SNX29: variants seen among roughly 807,000 people sequenced by gnomAD.
SNX29 encodes the protein sorting nexin-29.
In SNX29, 78 loss-of-function variants were observed where a neutral mutation model predicts 102.1. The ratio of observed to expected loss-of-function variants is 0.76; its 90% CI spans 0.64 to 0.92. The LOEUF (loss-of-function observed/expected upper bound fraction) is 0.92. Ranked by LOEUF, SNX29 falls within the 40% of genes least tolerant of loss-of-function variation. The pLI is 0.00. For missense variants in SNX29, 1,280 were observed against 1,061.7 expected (o/e 1.21, Z -2.86); for synonymous variants, 580 against 414.5 (o/e 1.40, Z -4.85).
chr16:12,571,558 C>A lies in SNX29; in HGVS notation c.*2929C>A. 1 of 998,514 alleles carries A rather than the reference C, an allele frequency of 1.0e-6. No homozygotes were observed. The highest frequency in any genetic ancestry group is 4.9e-5 in the South Asian group (1 of 20,558). The allele number at this position is 998,514 out of a possible 1,614,324, so 61.9% of individuals were successfully genotyped here. A position where few individuals can be genotyped will look rare whatever the true frequency, so the allele number is the denominator to read the frequency against. The stretch of plus-strand genomic sequence containing the variant: ...CCTTTGCTGGGAGGAAGAATCCACA[C>A]CGAATCCTTCTGTCTTCATGGCCTG... On this transcript the variant is annotated 3_prime_UTR_variant, in exon 21 of 21. Transcript: ENST00000566228.
chr16:12,022,961 A>ATCT (rs2057074855), intron 3 of SNX29, among the ~76,000 whole-genome samples: 1 of 138,242 alleles, frequency 7.2e-6, no homozygotes, highest in Non-Finnish European at 1.5e-5. Flanking sequence ...CAGTGATGTG[A>ATCT]TCTCAGCTCA....
In SNX29 at chr16:12,533,523, C is replaced by G. The variant is rs180743092; in HGVS notation, c.2318+8682C>G. On this transcript the variant is annotated intron_variant, in intron 20 of 20. Transcript: ENST00000566228. ...GTCACATCAGAGAGCAGCCCGTCAG[C>G]CACTGCAGCCTTTTGTCCTCATTTC... Among the ~76,000 whole-genome samples the G allele has an allele frequency of 7.9e-5, 12 of 152,296 alleles. No homozygotes were observed. The East Asian group carries it at 1.9e-3, about 25-fold the overall frequency.
At chr16:11,997,898 CAA>C (rs775373426) in intron 1 of SNX29, among the ~76,000 whole-genome samples, 1 of 152,318 alleles carries the variant, frequency 6.6e-6, no homozygotes, top group South Asian at 2.1e-4. Flanking sequence ...CTGGGTGGAT[CAA>C]CACACACAAT....
At chr16:12,189,429 C>T (rs981184776) in intron 13 of SNX29, among the ~76,000 whole-genome samples, 2 of 152,112 alleles carry the variant, frequency 1.3e-5, no homozygotes, top group African/African-American at 2.4e-5. Flanking sequence ...GCAGAATGTC[C>T]GTGCCTTTGG....
chr16:12,301,274 G>T (rs1001121260), intron 15 of SNX29, among the ~76,000 whole-genome samples: 1 of 152,196 alleles, frequency 6.6e-6, no homozygotes, highest in Non-Finnish European at 1.5e-5. Flanking sequence ...CCTGTACTCT[G>T]CAAGCTGATT....
In SNX29 at chr16:12,069,013, A is replaced by C; in HGVS notation, c.1244-44A>C. The C allele has an allele frequency of 1.9e-6, 3 of 1,569,656 alleles. No individual in the cohort carries two copies. The East Asian group carries it at 6.7e-5, about 35-fold the overall frequency. On this transcript the variant is annotated intron_variant, in intron 9 of 20. Coordinates refer to ENST00000566228, the MANE Select transcript of SNX29 (RefSeq NM_032167.5). ...TGTCTTTGTCTTATGGAGAACATGT[A>C]GTGAGAAAAGTGACCTCTTTCTGTG...
In SNX29 at chr16:12,573,488, G is replaced by A; in HGVS notation, c.*4859G>A. The A allele has an allele frequency of 4.5e-6, 1 of 224,414 alleles. No individual in the cohort carries two copies. Among genetic ancestry groups the A allele is most frequent in the Non-Finnish European group, 8.9e-6 (1 of 112,592 alleles). The allele number at this position is 224,414 out of a possible 1,614,324, so 13.9% of individuals were successfully genotyped here. On this transcript the variant is annotated 3_prime_UTR_variant, in exon 21 of 21. Coordinates refer to ENST00000566228, the MANE Select transcript of SNX29 (RefSeq NM_032167.5). ...GCAGCGCTGCTGGCGGAAGATTCTA[G>A]ATTCACTGGTGGTTTAAGAGGCCCA...
At chr16:12,078,104 C>T (rs545451343) in intron 10 of SNX29, among the ~76,000 whole-genome samples, 2 of 152,328 alleles carry the variant, frequency 1.3e-5, no homozygotes, top group South Asian at 4.1e-4. Context: ...CGGCACATCA[C>T]AGCCTTCCTG....
intron 19 of SNX29, chr16:12,515,560 C>G (rs575321140): frequency 1.4e-5 from 7 of 492,360 alleles, no homozygotes; most frequent in Admixed American, 1.4e-4. Context: ...GCTGGCCTCT[C>G]TGCTTCCTGC....
chr16:12,480,266 G>T (rs150851476), intron 19 of SNX29, among the ~76,000 whole-genome samples: 2 of 152,104 alleles, frequency 1.3e-5, no homozygotes, highest in Non-Finnish European at 2.9e-5. Context: ...CGTCACCCAG[G>T]CCTCTTCCTT....
intron 8 of SNX29, among the ~76,000 whole-genome samples, chr16:12,058,223 C>A (rs1268238988): frequency 1.3e-5 from 2 of 152,116 alleles, no homozygotes; most frequent in Non-Finnish European, 2.9e-5. Flanking sequence ...GAAAAAAAGA[C>A]ATGTGGGAAA....
chr16:12,574,009 G>A lies in SNX29; in HGVS notation c.*5380G>A, dbSNP rs2079240180. 2 of 197,418 alleles carry A rather than the reference G, an allele frequency of 1.0e-5. No homozygotes were observed. Among genetic ancestry groups the A allele is most frequent in the Non-Finnish European group, 2.1e-5 (2 of 95,374 alleles). 12.2% of individuals were successfully genotyped at this position (197,418 alleles called of 1,614,324 possible). On this transcript the variant is annotated 3_prime_UTR_variant, in exon 21 of 21. Coordinates refer to ENST00000566228, the MANE Select transcript of SNX29 (RefSeq NM_032167.5). ...ATCGGCTCCCAGTGCACCCCCTTAA[G>A]GGTAAGCAGGCCACATATCTAGAGT...
rs567153389 is a variant in SNX29, at chr16:12,462,166, A to T, written c.2038-15553A>T. Among the ~76,000 whole-genome samples the T allele has an allele frequency of 3.3e-5, 5 of 151,326 alleles. No homozygotes were observed. The South Asian group carries it at 1.0e-3, about 32-fold the overall frequency. Reference sequence around the variant, plus strand: ...GGGCTCGATCTCTTGCCATAGGTCTAGTCCCCAGCGAGCTCTCAGTCCTGG... The same window carrying T: ...GGGCTCGATCTCTTGCCATAGGTCTTGTCCCCAGCGAGCTCTCAGTCCTGG... On this transcript the variant is annotated intron_variant, in intron 18 of 20. Transcript: ENST00000566228.
At chr16:12,557,021 C>CT (rs969469500) in intron 20 of SNX29, among the ~76,000 whole-genome samples, 1 of 42,560 alleles carries the variant, frequency 2.3e-5, no homozygotes, top group South Asian at 7.7e-4. Flanking sequence ...ATTTACCCCC[C>CT]CCCCGCCCCA....
chr16:12,030,189 C>G (rs1427071033), intron 4 of SNX29, among the ~76,000 whole-genome samples: 1 of 152,158 alleles, frequency 6.6e-6, no homozygotes. Flanking sequence ...TATTATTCAT[C>G]CTTGGATTCA....
At chr16:12,077,057 T>C (rs1011802457) in intron 10 of SNX29, among the ~76,000 whole-genome samples, 3 of 152,192 alleles carry the variant, frequency 2.0e-5, no homozygotes, top group African/African-American at 4.8e-5. Flanking sequence ...GAGGATTACT[T>C]GAGGCCGGGA....
chr16:12,142,895 T>G (rs551834637), intron 13 of SNX29, among the ~76,000 whole-genome samples: 46 of 151,982 alleles, frequency 3.0e-4, no homozygotes, highest in African/African-American at 1.1e-3. Context: ...TCTTCAAACA[T>G]TTACTGTTCC....
chr16:12,541,455 T>A (rs932130610), intron 20 of SNX29, among the ~76,000 whole-genome samples: 5 of 152,152 alleles, frequency 3.3e-5, no homozygotes, highest in Non-Finnish European at 7.4e-5. Flanking sequence ...GGACCCACGC[T>A]TAGTGCTTGA....
chr16:12,368,406 A>G (rs1311669887), intron 16 of SNX29, among the ~76,000 whole-genome samples: 1 of 152,258 alleles, frequency 6.6e-6, no homozygotes, highest in Non-Finnish European at 1.5e-5. Flanking sequence ...TAATGACTTC[A>G]GCTGTGAGTC....
Sources: gnomAD v4.1 joint callset for allele counts (sites outside exome capture counted in the v4.1 genomes callset) on GRCh38, gnomAD v4.1.1 for gene constraint, MANE v1.5 for transcripts, NCBI Gene and HGNC (gene_info 2026-07-23, HGNC 2026-07-21) for gene names.